The following GARRE1 variants were observed in gnomAD, a reference collection of about 807,000 sequenced individuals.
The protein encoded by GARRE1 is granule associated Rac and RHOG effector protein 1.
Under a neutral mutation model 103.2 loss-of-function variants are expected in GARRE1, and 49 were observed. The ratio of observed to expected loss-of-function variants is 0.47; its 90% CI spans 0.38 to 0.60. The LOEUF (loss-of-function observed/expected upper bound fraction) is 0.60, where lower values mean the gene tolerates loss of function less well. Ranked by LOEUF, GARRE1 falls within the 20% of genes least tolerant of loss-of-function variation. GARRE1 has a pLI of 0.00. For missense variants in GARRE1, 1,199 were observed against 1,370.5 expected (o/e 0.87, Z 1.98); for synonymous variants, 505 against 532.8 (o/e 0.95, Z 0.72).
intron 1 of GARRE1, among the ~76,000 whole-genome samples, chr19:34,269,280 G>T (rs191403961): frequency 4.6e-5 from 7 of 152,306 alleles, no homozygotes; most frequent in Admixed American, 3.9e-4. Flanking sequence ...ACATGAGATT[G>T]GTAGCGAGCC....
At chr19:34,311,999 A>G (rs1337042716) in intron 2 of GARRE1, among the ~76,000 whole-genome samples, 1 of 151,848 alleles carries the variant, frequency 6.6e-6, no homozygotes, top group Admixed American at 6.6e-5. Context: ...TTTTTACTGT[A>G]GAGATGGAGT....
Position 34,353,308 on chromosome 19 carries a change from T to C in GARRE1, c.*353T>C, listed in dbSNP as rs911868655. 1.3e-5 allele frequency: 4 copies of C among 305,964 alleles called. No individual in the cohort carries two copies. The highest frequency in any genetic ancestry group is 2.1e-5 in the African/African-American group (1 of 47,214). The allele number at this position is 305,964 out of a possible 1,614,324, so 19.0% of individuals were successfully genotyped here. A position where few individuals can be genotyped will look rare whatever the true frequency, so the allele number is the denominator to read the frequency against. On this transcript the variant is annotated 3_prime_UTR_variant, in exon 14 of 14. Transcript: ENST00000299505. ...CTTGGGTTTTTAGTCCTGCTGTGTG[T>C]TGGGAAGACATCAGGCCTGAAAGCT...
At chr19:34,271,275 G>A (rs1037234718) in intron 1 of GARRE1, among the ~76,000 whole-genome samples, 1 of 124,738 alleles carries the variant, frequency 8.0e-6, no homozygotes, top group African/African-American at 3.1e-5. Context: ...TTTAGATGAA[G>A]TCTCACTCTG....
chr19:34,336,000 T>C (rs2074159492), intron 8 of GARRE1, among the ~76,000 whole-genome samples: 1 of 152,036 alleles, frequency 6.6e-6, no homozygotes, highest in South Asian at 2.1e-4. Flanking sequence ...TATTATTTTT[T>C]TTTTGGTAGA....
intron 1 of GARRE1, among the ~76,000 whole-genome samples, chr19:34,283,629 C>T (rs886492652): frequency 6.6e-6 from 1 of 152,114 alleles, no homozygotes; most frequent in Non-Finnish European, 1.5e-5. Flanking sequence ...CAAGGTCAAG[C>T]TGATCCTGAC....
intron 1 of GARRE1, among the ~76,000 whole-genome samples, chr19:34,284,657 T>A (rs2145225366): frequency 6.6e-6 from 1 of 152,336 alleles, no homozygotes; most frequent in East Asian, 1.9e-4. Context: ...CTCACAAGTC[T>A]TGGCTACACT....
intron 1 of GARRE1, among the ~76,000 whole-genome samples, chr19:34,277,994 C>T (rs879404570): frequency 7.1e-6 from 1 of 141,600 alleles, no homozygotes; most frequent in Non-Finnish European, 1.5e-5. Flanking sequence ...TTCTTAATAT[C>T]ATTATTGACT....
intron 1 of GARRE1, among the ~76,000 whole-genome samples, chr19:34,264,954 A>T (rs2073742878): frequency 6.6e-6 from 1 of 152,140 alleles, no homozygotes; most frequent in South Asian, 2.1e-4. Flanking sequence ...TCGTGCCTAG[A>T]TAGAATATTG....
At chr19:34,279,006 T>C (rs1047455173) in intron 1 of GARRE1, among the ~76,000 whole-genome samples, 8 of 152,196 alleles carry the variant, frequency 5.3e-5, no homozygotes, top group African/African-American at 1.7e-4. Flanking sequence ...GTCCATTGTA[T>C]GGATATACCA....
At chr19:34,258,459 T>G (rs990640213) in intron 1 of GARRE1, among the ~76,000 whole-genome samples, 2 of 152,112 alleles carry the variant, frequency 1.3e-5, no homozygotes, top group African/African-American at 4.8e-5. Flanking sequence ...CCTGGACATG[T>G]TCCTGAGGCC....
rs546294997 is a variant in GARRE1, at chr19:34,281,383, C to T, written c.-795-18296C>T. On this transcript the variant is annotated intron_variant, in intron 1 of 13. Transcript: ENST00000299505. ...TCAGCTCACTGCAACCTCTGCCTCC[C>T]GGGTTCAAGTGATTTTCCTGCCTCA... 4.6e-5 allele frequency among the ~76,000 whole-genome samples: 7 copies of T among 152,270 alleles called. No homozygotes were observed. The South Asian group carries it at 1.5e-3, about 32-fold the overall frequency.
intron 10 of GARRE1, among the ~76,000 whole-genome samples, chr19:34,344,044 G>T (rs956415586): frequency 3.3e-5 from 5 of 152,098 alleles, no homozygotes; most frequent in Non-Finnish European, 7.4e-5. Context: ...AATAAAATAA[G>T]TGGTCTAAGC....
chr19:34,267,624 A>G (rs2073760402), intron 1 of GARRE1, among the ~76,000 whole-genome samples: 1 of 152,122 alleles, frequency 6.6e-6, no homozygotes. Flanking sequence ...TTTTTTTAGA[A>G]GTTTTGAAAA....
chr19:34,268,190 G>A (rs1273238868), intron 1 of GARRE1, among the ~76,000 whole-genome samples: 3 of 152,038 alleles, frequency 2.0e-5, no homozygotes, highest in Non-Finnish European at 2.9e-5. Context: ...TAGTACTTGG[G>A]CACATTTGAT....
chr19:34,313,454 C>T (rs147359003), intron 2 of GARRE1, among the ~76,000 whole-genome samples: 3 of 152,228 alleles, frequency 2.0e-5, no homozygotes, highest in East Asian at 3.9e-4. Context: ...CAGATACAGC[C>T]GGCTGGGAGT....
At chr19:34,260,968 GTGTGTGTA>G (rs1261058449) in intron 1 of GARRE1, among the ~76,000 whole-genome samples, 1 of 152,192 alleles carries the variant, frequency 6.6e-6, no homozygotes, top group African/African-American at 2.4e-5. Context: ...ATTACGTGGT[GTGTGTGTA>G]GCACTCTCTG....
intron 1 of GARRE1, among the ~76,000 whole-genome samples, chr19:34,282,760 T>G (rs1414757438): frequency 6.6e-6 from 1 of 152,148 alleles, no homozygotes; most frequent in Non-Finnish European, 1.5e-5. Context: ...GATTAACTGG[T>G]TTCCCACTCC....
intron 1 of GARRE1, among the ~76,000 whole-genome samples, chr19:34,291,673 C>G (rs1207803317): frequency 2.6e-5 from 4 of 152,168 alleles, no homozygotes; most frequent in Non-Finnish European, 2.9e-5. Context: ...AGGACAAGAG[C>G]CTTCATGACC....
rs1316882920 is a variant in GARRE1 at position 34,341,672 on chromosome 19, ATGCC to A, written c.1741_1744del (p.Pro581AlafsTer11). Reference sequence around the variant, plus strand: ...TGGATGTTCCGAAGAGAAGGCCAAAATGCCTGGCAATATTGATACAAGGTTACAA... The same window carrying A: ...TGGATGTTCCGAAGAGAAGGCCAAAATGGCAATATTGATACAAGGTTACAA... On this transcript the variant is annotated frameshift_variant, in exon 10 of 14. Transcript: ENST00000299505. LOFTEE classifies it high-confidence loss of function. 6.2e-6 allele frequency: 10 copies of A among 1,614,210 alleles called. No homozygotes were observed. The highest frequency in any genetic ancestry group is 8.5e-6 in the Non-Finnish European group (10 of 1,180,048).
Sources: gnomAD v4.1 joint callset for allele counts (sites outside exome capture counted in the v4.1 genomes callset) on GRCh38, gnomAD v4.1.1 for gene constraint, MANE v1.5 for transcripts, NCBI Gene and HGNC (gene_info 2026-07-23, HGNC 2026-07-21) for gene names.